ZFP64: variants seen among roughly 807,000 people sequenced by gnomAD.
The protein encoded by ZFP64 is zinc finger protein 64.
In ZFP64, 14 loss-of-function variants were observed where a neutral mutation model predicts 51.6. That is an observed-to-expected ratio of 0.27 (90% CI 0.18 to 0.42). The LOEUF is 0.42. Ranked by LOEUF, ZFP64 falls within the 10% of genes least tolerant of loss-of-function variation. The probability of loss-of-function intolerance (pLI) is 1.00; values close to 1 mark genes in which losing one functional copy is unlikely to be tolerated. For synonymous variants in ZFP64, 375 were observed against 361.4 expected (o/e 1.04, Z -0.43); for missense variants, 754 against 906.8 (o/e 0.83, Z 2.16).
intron 3 of ZFP64, 60 bp downstream of exon 3, chr20:52,165,804 C>A (rs6021772): frequency 0.25 from 397,264 of 1,606,130 alleles, 50,796 homozygotes; most frequent in Admixed American, 0.36. Context: ...TGAGGAGGAG[C>A]CCTGGAGCCT....
intron 5 of ZFP64, chr20:52,110,316 A>G: frequency 2.2e-6 from 1 of 462,150 alleles, no homozygotes; most frequent in Non-Finnish European, 3.9e-6. Context: ...CACCCCTACC[A>G]AACCCTGGAA....
chr20:52,141,963 G>C (rs374150174), intron 5 of ZFP64, among the ~76,000 whole-genome samples: 1 of 152,116 alleles, frequency 6.6e-6, no homozygotes, highest in South Asian at 2.1e-4. Flanking sequence ...GTCAAACACC[G>C]CATGGTCTCA....
rs538796413 is a variant in ZFP64, at chr20:52,159,858, C to T, written c.763+265G>A. ...AAAAAATTAGCTGGACGTGGTGCAA[C>T]ATGCTTCTTGGGAGGCTGAGGCACA... On this transcript the variant is annotated intron_variant, in intron 5 of 5. Coordinates refer to ENST00000216923, the MANE Select transcript of ZFP64 (RefSeq NM_018197.3). 1.2e-4 allele frequency among the ~76,000 whole-genome samples: 19 copies of T among 152,264 alleles called. No individual in the cohort carries two copies. The East Asian group carries it at 3.7e-3, about 29-fold the overall frequency.
intron 5 of ZFP64, among the ~76,000 whole-genome samples, chr20:52,127,942 C>T (rs571802015): frequency 4.3e-4 from 65 of 152,266 alleles, no homozygotes; most frequent in African/African-American, 1.5e-3. Context: ...AGTGGTTTTC[C>T]ACACAAATGT....
chr20:52,154,384 C>A (rs1048197934), intron 5 of ZFP64, among the ~76,000 whole-genome samples: 1 of 152,150 alleles, frequency 6.6e-6, no homozygotes, highest in Non-Finnish European at 1.5e-5. Flanking sequence ...AGACAGACTA[C>A]ATAACTTGTT....
At chr20:52,122,200 T>C (rs1979220964) in intron 5 of ZFP64, among the ~76,000 whole-genome samples, 1 of 152,146 alleles carries the variant, frequency 6.6e-6, no homozygotes, top group Non-Finnish European at 1.5e-5. Context: ...CAAGGAGTAA[T>C]TTTAATTTTC....
chr20:52,108,902 A>G (rs544021603), intron 5 of ZFP64, among the ~76,000 whole-genome samples: 4 of 150,280 alleles, frequency 2.7e-5, no homozygotes, highest in African/African-American at 7.3e-5. Flanking sequence ...ACACACACAC[A>G]CAAACTTACA....
Position 52,164,763 on chromosome 20 carries a change from A to G in ZFP64, c.449-6T>C, listed in dbSNP as rs758307647. ...AGCAGTCTTGAATTGGCAACCTAAA[A>G]AAAAAAAGGAAAGATTAATTACAAA... On this transcript the variant is annotated splice_region_variant and splice_polypyrimidine_tract_variant and intron_variant, in intron 3 of 5. Transcript: ENST00000216923. The G allele has an allele frequency of 3.7e-6, 6 of 1,612,816 alleles. No individual in the cohort carries two copies. Among genetic ancestry groups the G allele is most frequent in the Non-Finnish European group, 5.1e-6 (6 of 1,179,456 alleles).
downstream of ZFP64, among the ~76,000 whole-genome samples, chr20:52,146,730 A>G (rs1201760209): frequency 6.6e-6 from 1 of 150,434 alleles, no homozygotes; most frequent in African/African-American, 2.5e-5. Flanking sequence ...AAAGTATAAT[A>G]AAAAAAAGAA....
At chr20:52,098,569 T>C (rs2079017328) in exon 6 of ZFP64, 1 of 1,614,032 alleles carries the variant, frequency 6.2e-7, no homozygotes, top group Non-Finnish European at 8.5e-7. Flanking sequence ...TTTTGGAACA[T>C]CATCATCAAG....
intron 7 of ZFP64, chr20:52,089,037 C>T: frequency 3.8e-6 from 2 of 521,136 alleles, no homozygotes; most frequent in Non-Finnish European, 3.8e-6. Context: ...AGCAGCACGG[C>T]ATCTCCCCCT....
At chr20:52,168,635 G>T (rs1387705503) in intron 2 of ZFP64, among the ~76,000 whole-genome samples, 2 of 152,076 alleles carry the variant, frequency 1.3e-5, no homozygotes, top group Non-Finnish European at 2.9e-5. Context: ...ACTTAACCCA[G>T]CTCTGTCTAT....
At chr20:52,140,963 C>T (rs1980226356) in intron 5 of ZFP64, among the ~76,000 whole-genome samples, 1 of 152,058 alleles carries the variant, frequency 6.6e-6, no homozygotes, top group Admixed American at 6.6e-5. Context: ...ATCCTAAGGC[C>T]CTTAAGAATG....
chr20:52,190,214 TAACAAGGA>T (rs2123146907), intron 1 of ZFP64, among the ~76,000 whole-genome samples: 1 of 152,278 alleles, frequency 6.6e-6, no homozygotes, highest in Admixed American at 6.5e-5. Context: ...CCCATGGAAC[TAACAAGGA>T]AACAAGGAAG....
chr20:52,188,954 C>T (rs1478273058), intron 1 of ZFP64, among the ~76,000 whole-genome samples: 4 of 151,068 alleles, frequency 2.6e-5, no homozygotes, highest in South Asian at 4.2e-4. Context: ...CCAGCCTGGG[C>T]GACAGAGCGA....
chr20:52,119,576 A>ACACACACAC (rs1555802579), intron 5 of ZFP64, among the ~76,000 whole-genome samples: 1 of 132,554 alleles, frequency 7.5e-6, no homozygotes, highest in Non-Finnish European at 1.6e-5. Context: ...ATACACACAC[A>ACACACACAC]ACACACACAC....
downstream of ZFP64, among the ~76,000 whole-genome samples, chr20:52,150,962 C>T (rs573382125): frequency 6.6e-6 from 1 of 152,336 alleles, no homozygotes; most frequent in African/African-American, 2.4e-5. Flanking sequence ...CTGGATTCTG[C>T]ACAGATATTA....
exon 9 of ZFP64, chr20:52,084,016 T>A (rs1479631838): frequency 1.3e-5 from 2 of 152,490 alleles, no homozygotes; most frequent in East Asian, 1.9e-4. Flanking sequence ...CATGCTACCA[T>A]GAGTCTGCCT....
chr20:52,125,126 A>G (rs1979387878), intron 5 of ZFP64, among the ~76,000 whole-genome samples: 1 of 152,224 alleles, frequency 6.6e-6, no homozygotes, highest in Admixed American at 6.5e-5. Flanking sequence ...CTACTTTGGT[A>G]TGGCCACAAA....
Sources: gnomAD v4.1 joint callset for allele counts (sites outside exome capture counted in the v4.1 genomes callset) on GRCh38, gnomAD v4.1.1 for gene constraint, MANE v1.5 for transcripts, NCBI Gene and HGNC (gene_info 2026-07-23, HGNC 2026-07-21) for gene names.